The following GAL3ST1 variants were observed in gnomAD, a reference collection of about 807,000 sequenced individuals.
The protein encoded by GAL3ST1 is galactose-3-O-sulfotransferase 1.
Under a neutral mutation model 25.0 loss-of-function variants are expected in GAL3ST1, and 13 were observed. The observed-to-expected ratio is 0.52, with a 90% CI of 0.34 to 0.83. The LOEUF (loss-of-function observed/expected upper bound fraction) is 0.83. Ranked by LOEUF, GAL3ST1 falls within the 40% of genes least tolerant of loss-of-function variation. GAL3ST1 has a pLI of 0.02. For missense variants in GAL3ST1, 474 were observed against 613.6 expected (o/e 0.77, Z 2.40); for synonymous variants, 274 against 277.8 (o/e 0.99, Z 0.14).
chr22:30,569,503 G>C (rs2086718138), intron 1 of GAL3ST1, among the ~76,000 whole-genome samples: 1 of 152,148 alleles, frequency 6.6e-6, no homozygotes, highest in African/African-American at 2.4e-5. Context: ...AGCAGGTGGT[G>C]TCTGGTTCTG....
At chr22:30,572,934 G>A (rs2086823791) in intron 1 of GAL3ST1, 1 of 152,224 alleles carries the variant, frequency 6.6e-6, no homozygotes, top group Admixed American at 6.5e-5. Context: ...GAACACAGTG[G>A]GAGGGGCTGT....
intron 3 of GAL3ST1, among the ~76,000 whole-genome samples, chr22:30,556,769 C>T (rs2086055270): frequency 1.3e-5 from 2 of 152,186 alleles, no homozygotes; most frequent in Admixed American, 6.5e-5. Flanking sequence ...AGTCTCACTC[C>T]GTTGGCCCAG....
rs897425126 is a variant in GAL3ST1 at position 30,554,827 on chromosome 22, GC to G, written c.*125del. On this transcript the variant is annotated 3_prime_UTR_variant, in exon 4 of 4. Coordinates refer to ENST00000406361, the MANE Select transcript of GAL3ST1 (RefSeq NM_001318104.2). ...TTGGCTGGCTGCCTCCCCCCAGGGA[GC>G]CCCCCCTCACCCCGGGGTCTGAGGT... is the stretch of plus-strand genomic sequence containing the variant. 6.4e-5 allele frequency: 44 copies of G among 691,982 alleles called. No homozygotes were observed. The highest frequency in any genetic ancestry group is 4.9e-4 in the African/African-American group (27 of 54,690). 42.9% of individuals were successfully genotyped at this position (691,982 alleles called of 1,614,324 possible). A position where few individuals can be genotyped will look rare whatever the true frequency, so the allele number is the denominator to read the frequency against.
chr22:30,566,676 C>T (rs2086634757), intron 1 of GAL3ST1, among the ~76,000 whole-genome samples: 1 of 152,034 alleles, frequency 6.6e-6, no homozygotes, highest in Admixed American at 6.5e-5. Context: ...GTGGCGCCAT[C>T]TCAGCTCACT....
intron 1 of GAL3ST1, among the ~76,000 whole-genome samples, chr22:30,572,172 G>A (rs1039773446): frequency 1.3e-5 from 2 of 152,186 alleles, no homozygotes; most frequent in Admixed American, 1.3e-4. Flanking sequence ...GAGAACCCCA[G>A]AGCTGAGTAT....
At chr22:30,566,647 T>C in intron 1 of GAL3ST1, among the ~76,000 whole-genome samples, 1 of 152,086 alleles carries the variant, frequency 6.6e-6, no homozygotes, top group Non-Finnish European at 1.5e-5. Context: ...TCTCGCTCTG[T>C]CGCCTAGGCT....
At chr22:30,563,654 C>T (rs953220252) in intron 1 of GAL3ST1, among the ~76,000 whole-genome samples, 2 of 151,708 alleles carry the variant, frequency 1.3e-5, no homozygotes, top group African/African-American at 2.4e-5. Context: ...TGGCTCATGC[C>T]TGTAATCCCA....
chr22:30,559,949 T>G (rs1275922504), intron 1 of GAL3ST1, among the ~76,000 whole-genome samples: 1 of 152,190 alleles, frequency 6.6e-6, no homozygotes, highest in African/African-American at 2.4e-5. Flanking sequence ...TGCTAATAAC[T>G]ACATGCATGC....
chr22:30,570,873 T>C (rs1417115319), intron 1 of GAL3ST1, among the ~76,000 whole-genome samples: 5 of 152,016 alleles, frequency 3.3e-5, no homozygotes, highest in Non-Finnish European at 5.9e-5. Flanking sequence ...AGTTGTACAT[T>C]CGTACATGTG....
rs2086005934 is a variant in GAL3ST1, at chr22:30,556,082, G to A, written c.143C>T (p.Ala48Val). The part of the protein sequence containing the change: ...HAGLASTTPE[A>V]AASCSPPALE... ...TGCAGGTGGAGAGCAGGACGCTGCG[G>A]CCTCCGGGGTCCTGCTGGGGACAGA... is the stretch of plus-strand genomic sequence containing the variant. Residue 48 changes from alanine to valine, a missense_variant, in exon 4 of 4, where the codon GCC becomes GTC. Ala to Val is a moderately conservative substitution (Grantham distance 64). Transcript: ENST00000406361. 6.2e-7 allele frequency: 1 copy of A among 1,604,304 alleles called. No individual in the cohort carries two copies. Among genetic ancestry groups the A allele is most frequent in the Non-Finnish European group, 8.5e-7 (1 of 1,177,448 alleles).
chr22:30,560,544 C>T (rs1001691102), intron 1 of GAL3ST1: 1 of 152,470 alleles, frequency 6.6e-6, no homozygotes, highest in Non-Finnish European at 1.5e-5. Context: ...ACAAACCTGC[C>T]TCAGCCTCAA....
chr22:30,555,514 C>T lies in GAL3ST1; in HGVS notation c.711G>A (p.Glu237=), dbSNP rs115897309. Residue 237 remains glutamate (E), a synonymous_variant, in exon 4 of 4, where the codon GAG becomes GAA. Transcript: ENST00000406361. This position sits in a 1 kb window ranked among gnomAD's most constrained non-coding sequence, Gnocchi z 8.6. ...SLDPSSPQVQ[E]HILEVERRFH... is the part of the protein sequence containing the mutation. ...AGCGACGCTCCACCTCCAGGATGTG[C>T]TCCTGCACCTGCGGGCTGCTGGGGT... 2,224 of 1,613,680 alleles carry T rather than the reference C, an allele frequency of 1.4e-3. 2 individuals carry two copies. Among genetic ancestry groups the T allele is most frequent in the Non-Finnish European group, 1.7e-3 (2,044 of 1,179,974 alleles).
intron 1 of GAL3ST1, among the ~76,000 whole-genome samples, chr22:30,559,331 C>A (rs933525406): frequency 6.6e-6 from 1 of 152,052 alleles, no homozygotes; most frequent in Admixed American, 6.6e-5. Context: ...ACCTTTGACT[C>A]CCCGGTTCAA....
chr22:30,554,917 A>G lies in GAL3ST1; in HGVS notation c.*36T>C. The G allele has an allele frequency of 6.8e-7, 1 of 1,474,916 alleles. No homozygotes were observed. Among genetic ancestry groups the G allele is most frequent in the Non-Finnish European group, 9.2e-7 (1 of 1,089,382 alleles). The allele number at this position is 1,474,916 out of a possible 1,614,324, so 91.4% of individuals were successfully genotyped here. A position where few individuals can be genotyped will look rare whatever the true frequency, so the allele number is the denominator to read the frequency against. On this transcript the variant is annotated 3_prime_UTR_variant, in exon 4 of 4. Transcript: ENST00000406361. ...CGTCCTGCTCAGCCCCTCTGCAGGG[A>G]GCGAGCAGGCAGGCAAGCCGCTGGG...
intron 1 of GAL3ST1, among the ~76,000 whole-genome samples, chr22:30,569,281 T>C (rs561089687): frequency 1.1e-4 from 16 of 151,990 alleles, no homozygotes; most frequent in East Asian, 7.8e-4. Context: ...CCGACCTCCA[T>C]AGTAGTTGTT....
chr22:30,572,362 C>T (rs5997687), intron 1 of GAL3ST1, among the ~76,000 whole-genome samples: 4,878 of 152,264 alleles, frequency 0.032, 124 homozygotes, highest in Non-Finnish European at 0.042. Flanking sequence ...CCTGGAAACT[C>T]GCCTGGTAAC....
Position 30,574,643 on chromosome 22 carries a change from C to T in GAL3ST1, c.-297G>A, listed in dbSNP as rs1251142294. 2.1e-5 allele frequency: 3 copies of T among 146,194 alleles called. No homozygotes were observed. The highest frequency in any genetic ancestry group is 7.4e-5 in the African/African-American group (3 of 40,298). The allele number at this position is 146,194 out of a possible 1,614,324, so 9.1% of individuals were successfully genotyped here. On this transcript the variant is annotated 5_prime_UTR_variant, in exon 1 of 4. Transcript: ENST00000406361. ...CCCGCTCCCGCGCCGCGCCCGCTCC[C>T]GGCCAGGTGCCGCCGCCAGCCTGGC... is the stretch of plus-strand genomic sequence containing the variant.
chr22:30,569,075 C>CAAAAAAAAA (rs66507126), intron 1 of GAL3ST1, among the ~76,000 whole-genome samples: 1 of 86,190 alleles, frequency 1.2e-5, no homozygotes, highest in Admixed American at 1.3e-4. Flanking sequence ...GACTCCATCT[C>CAAAAAAAAA]AAAAAAAAAA....
chr22:30,564,132 A>G (rs746568348), intron 1 of GAL3ST1, among the ~76,000 whole-genome samples: 11 of 152,316 alleles, frequency 7.2e-5, no homozygotes, highest in South Asian at 2.1e-4. Context: ...ACCCTCCATC[A>G]CAGGGTGCTG....
Sources: gnomAD v4.1 joint callset for allele counts (sites outside exome capture counted in the v4.1 genomes callset) on GRCh38, gnomAD v4.1.1 for gene constraint, Gnocchi (gnomAD v3.1) non-coding constraint, MANE v1.5 for transcripts, NCBI Gene and HGNC (gene_info 2026-07-23, HGNC 2026-07-21) for gene names.